Variants in ZNF566 observed in about 807,000 individuals in gnomAD.
ZNF566 encodes the protein zinc finger protein 566.
In ZNF566, 27 loss-of-function variants were observed where a neutral mutation model predicts 32.8. The observed-to-expected ratio is 0.82, with a 90% CI of 0.61 to 1.14. The LOEUF is 1.14. ZNF566 is among the 50% of genes most tolerant of loss of function. The pLI is 0.00. For synonymous variants in ZNF566, 154 were observed against 159.5 expected (o/e 0.97, Z 0.26); for missense variants, 402 against 490.4 (o/e 0.82, Z 1.70).
At chr19:36,470,743 T>G (rs1442226261) in intron 4 of ZNF566, among the ~76,000 whole-genome samples, 1 of 151,932 alleles carries the variant, frequency 6.6e-6, no homozygotes. Flanking sequence ...AAACACTGTC[T>G]CTACTAAAAT....
intron 4 of ZNF566, 95 bp from the exon 5 acceptor site, chr19:36,450,096 A>T (rs1370224747): frequency 1.0e-6 from 1 of 999,332 alleles, no homozygotes; most frequent in Non-Finnish European, 1.5e-6. Context: ...AATTTTTTTT[A>T]CAAATGGATG....
chr19:36,463,595 T>C (rs1455688752), intron 4 of ZNF566, among the ~76,000 whole-genome samples: 1 of 148,816 alleles, frequency 6.7e-6, no homozygotes, highest in African/African-American at 2.5e-5. Flanking sequence ...CAGGCTATAG[T>C]ACAGTAGTAC....
At chr19:36,466,751 T>C (rs10411232) in intron 4 of ZNF566, among the ~76,000 whole-genome samples, 14,687 of 152,072 alleles carry the variant, frequency 0.097, 771 homozygotes, top group African/African-American at 0.15. Context: ...AAGCAGAACA[T>C]ATAAAGAACT....
At chr19:36,480,815 G>A (rs534625441) in intron 1 of ZNF566, among the ~76,000 whole-genome samples, 237 of 151,392 alleles carry the variant, frequency 1.6e-3, no homozygotes, top group African/African-American at 5.1e-3. Context: ...CAAGGCAGGC[G>A]GAACACCTGA....
Position 36,447,956 on chromosome 19 carries a change from T to C in ZNF566, c.*1021A>G, listed in dbSNP as rs2033037737. The C allele has an allele frequency of 6.6e-6, 1 of 152,128 alleles. No individual in the cohort carries two copies. Among genetic ancestry groups the C allele is most frequent in the African/African-American group, 2.4e-5 (1 of 41,430 alleles). The allele number at this position is 152,128 out of a possible 1,614,324, so 9.4% of individuals were successfully genotyped here. A position where few individuals can be genotyped will look rare whatever the true frequency, so the allele number is the denominator to read the frequency against. Reference sequence around the variant, plus strand: ...TATAATAACGATGACTAACATTCAGTGAGTATGTATTTATCATGTCAGGCA... The same window carrying C: ...TATAATAACGATGACTAACATTCAGCGAGTATGTATTTATCATGTCAGGCA... On this transcript the variant is annotated 3_prime_UTR_variant, in exon 5 of 5. Transcript: ENST00000452939.
At chr19:36,468,302 A>G (rs1264222728) in intron 4 of ZNF566, among the ~76,000 whole-genome samples, 5 of 151,776 alleles carry the variant, frequency 3.3e-5, no homozygotes, top group African/African-American at 1.2e-4. Context: ...AGTGTTGAAG[A>G]AAAGTTAAAA....
chr19:36,466,809 C>T (rs2033623905), intron 4 of ZNF566, among the ~76,000 whole-genome samples: 1 of 152,176 alleles, frequency 6.6e-6, no homozygotes, highest in Admixed American at 6.6e-5. Context: ...CGCAGTGGCT[C>T]ATGCCTATAA....
At chr19:36,478,483 C>T (rs750179643) in intron 1 of ZNF566, among the ~76,000 whole-genome samples, 29 of 152,028 alleles carry the variant, frequency 1.9e-4, no homozygotes, top group Non-Finnish European at 7.4e-5. Flanking sequence ...GAAACATTCC[C>T]ACTTCAACAG....
At chr19:36,450,085 G>T in intron 4 of ZNF566, 84 bp from the exon 5 acceptor site, 5 of 1,168,952 alleles carry the variant, frequency 4.3e-6, no homozygotes, top group African/African-American at 1.6e-5. Flanking sequence ...GAATTTAACC[G>T]AATTTTTTTT....
intron 2 of ZNF566, 33 bp from the exon 3 acceptor site, chr19:36,473,491 AT>A (rs763844982): frequency 6.6e-7 from 1 of 1,505,360 alleles, no homozygotes; most frequent in Admixed American, 2.4e-5. Flanking sequence ...GACTTCATTA[AT>A]TTTTTAAAAA....
intron 4 of ZNF566, among the ~76,000 whole-genome samples, chr19:36,469,658 G>T (rs369017674): frequency 6.6e-6 from 1 of 152,056 alleles, no homozygotes; most frequent in Non-Finnish European, 1.5e-5. Flanking sequence ...ATAAATGAGC[G>T]AAAACATTTA....
intron 4 of ZNF566, among the ~76,000 whole-genome samples, chr19:36,464,311 T>C (rs1412805125): frequency 6.6e-6 from 1 of 152,030 alleles, no homozygotes. Flanking sequence ...GGAGTTTTCA[T>C]TTGAGAGGGA....
At chr19:36,463,447 G>T (rs977526014) in intron 4 of ZNF566, among the ~76,000 whole-genome samples, 1 of 151,416 alleles carries the variant, frequency 6.6e-6, no homozygotes, top group Non-Finnish European at 1.5e-5. Context: ...CTAAATAAAT[G>T]GAGAAAAGTA....
chr19:36,474,776 A>G (rs1028237565), intron 2 of ZNF566, among the ~76,000 whole-genome samples: 5 of 152,210 alleles, frequency 3.3e-5, no homozygotes, highest in African/African-American at 1.2e-4. Flanking sequence ...ATCCATTCCT[A>G]TGCCAGACTA....
At chr19:36,455,137 A>G (rs2033267234) in intron 4 of ZNF566, among the ~76,000 whole-genome samples, 1 of 152,212 alleles carries the variant, frequency 6.6e-6, no homozygotes, top group African/African-American at 2.4e-5. Flanking sequence ...TAGATATAGG[A>G]AAGTCATCTT....
rs2033043695 is a variant in ZNF566 at position 36,448,201 on chromosome 19, G to A, written c.*776C>T. The A allele has an allele frequency of 6.6e-6, 1 of 152,030 alleles. No individual in the cohort carries two copies. Among genetic ancestry groups the A allele is most frequent in the Non-Finnish European group, 1.5e-5 (1 of 67,974 alleles). The allele number at this position is 152,030 out of a possible 1,614,324, so 9.4% of individuals were successfully genotyped here. On this transcript the variant is annotated 3_prime_UTR_variant, in exon 5 of 5. Transcript: ENST00000452939. ...TTTGTAATGTTTGCATCTTTTATAA[G>A]GAAAATATATTCACACATTACTTCT... is the stretch of plus-strand genomic sequence containing the variant.
At chr19:36,464,765 CT>C (rs1362075312) in intron 4 of ZNF566, among the ~76,000 whole-genome samples, 11 of 151,296 alleles carry the variant, frequency 7.3e-5, no homozygotes. Flanking sequence ...CTTTTTCTGT[CT>C]TAAAAAAAAA....
intron 1 of ZNF566, 79 bp downstream of exon 1, chr19:36,489,387 ACGCAAGCGCACGCTTTCAAT>A (rs1383169777): frequency 1.7e-5 from 5 of 287,824 alleles, no homozygotes; most frequent in African/African-American, 6.7e-5. Flanking sequence ...CTCCACACAG[ACGCAAGCGCACGCTTTCAAT>A]CTCACCTCCA....
In ZNF566 at chr19:36,449,486, T is replaced by G; in HGVS notation, c.748A>C (p.Thr250Pro). The change falls in exon 5 of 5, where the codon ACT becomes CCT. Residue 250 changes from threonine (T) to proline (P), a missense_variant. Thr to Pro is a conservative substitution (Grantham distance 38). This residue lies in a region of ZNF566 where 135 missense variants were observed against 210.0 expected (regional missense o/e 0.64). Coordinates refer to ENST00000452939, the MANE Select transcript of ZNF566 (RefSeq NM_001145344.1). ...SDLTRHHRIH[T>P]GEKPYECKEC... is the part of the protein sequence containing the mutation. ...TTACATTCATAGGGTTTCTCACCAGTGTGAATTCTGTGATGTCGAGTAAGG... is the reference window on the plus strand; with the variant it reads ...TTACATTCATAGGGTTTCTCACCAGGGTGAATTCTGTGATGTCGAGTAAGG... 6.2e-7 allele frequency: 1 copy of G among 1,614,164 alleles called. No individual in the cohort carries two copies. Among genetic ancestry groups the G allele is most frequent in the Non-Finnish European group, 8.5e-7 (1 of 1,180,022 alleles).
Sources: allele counts gnomAD v4.1 joint callset (sites outside exome capture counted in the v4.1 genomes callset), GRCh38; gene constraint gnomAD v4.1.1; regional missense constraint gnomAD v4.1.1; transcripts MANE v1.5; gene names NCBI Gene and HGNC (gene_info 2026-07-23, HGNC 2026-07-21).